Variants in ADAM29 observed in about 807,000 individuals in gnomAD.
ADAM29 encodes ADAM metallopeptidase domain 29.
For missense variants in ADAM29, 969 were observed against 1,001.8 expected, an observed-to-expected ratio of 0.97 and a Z score of 0.44; for synonymous variants, 367 against 342.3, an observed-to-expected ratio of 1.07 and a Z score of -0.80.
At chr4:174,943,285 G>A (rs919092810) in intron 4 of ADAM29, among the ~76,000 whole-genome samples, 2 of 152,162 alleles carry the variant, frequency 1.3e-5, no homozygotes, top group African/African-American at 2.4e-5. Flanking sequence ...CAGTTCCAAA[G>A]TCACTTTCAC....
chr4:174,957,980 T>A (rs1401768728), intron 4 of ADAM29, among the ~76,000 whole-genome samples: 2 of 151,820 alleles, frequency 1.3e-5, no homozygotes, highest in African/African-American at 2.4e-5. Flanking sequence ...ATTTGGAGAT[T>A]TTCTAGTCAT....
intron 4 of ADAM29, among the ~76,000 whole-genome samples, chr4:174,945,607 A>G (rs1048532764): frequency 2.0e-5 from 3 of 152,124 alleles, no homozygotes; most frequent in African/African-American, 7.2e-5. Flanking sequence ...GTTATCTTCC[A>G]GGGTTTTTAC....
At chr4:174,961,156 G>T (rs1297533615) in intron 4 of ADAM29, among the ~76,000 whole-genome samples, 1 of 151,772 alleles carries the variant, frequency 6.6e-6, no homozygotes, top group Non-Finnish European at 1.5e-5. Context: ...TGTTAAATTT[G>T]TTGTAATATT....
At chr4:174,929,485 AAC>A (rs1013292734) in intron 2 of ADAM29, among the ~76,000 whole-genome samples, 22 of 152,102 alleles carry the variant, frequency 1.4e-4, no homozygotes, top group Non-Finnish European at 4.4e-5. Context: ...AAAGGGGGGA[AAC>A]ACAGACTCTC....
At chr4:174,947,309 A>AG (rs1744912912) in intron 4 of ADAM29, among the ~76,000 whole-genome samples, 1 of 151,932 alleles carries the variant, frequency 6.6e-6, no homozygotes, top group Non-Finnish European at 1.5e-5. Context: ...TTGGTTTGCT[A>AG]TTATTTTCCT....
intron 3 of ADAM29, among the ~76,000 whole-genome samples, chr4:174,936,648 C>T (rs907983371): frequency 2.0e-5 from 3 of 151,920 alleles, no homozygotes; most frequent in African/African-American, 7.2e-5. Flanking sequence ...AAAATAAAGC[C>T]TCCTAAACGG....
At chr4:174,933,369 G>C (rs1744016216) in intron 3 of ADAM29, among the ~76,000 whole-genome samples, 1 of 152,086 alleles carries the variant, frequency 6.6e-6, no homozygotes, top group Non-Finnish European at 1.5e-5. Flanking sequence ...AAATAATTGA[G>C]TTTAACTTGA....
At chr4:174,974,948 T>C (rs1283416561) in intron 4 of ADAM29, among the ~76,000 whole-genome samples, 1 of 152,230 alleles carries the variant, frequency 6.6e-6, no homozygotes, top group Non-Finnish European at 1.5e-5. Context: ...AGAAAATCTA[T>C]TAATGCTTAT....
chr4:174,931,545 T>A (rs1259991078), intron 3 of ADAM29: 1 of 152,206 alleles, frequency 6.6e-6, no homozygotes, highest in Non-Finnish European at 1.5e-5. Flanking sequence ...AATCTATATA[T>A]TTTCCCGACC....
At chr4:174,968,097 G>A (rs889424829) in intron 4 of ADAM29, among the ~76,000 whole-genome samples, 2 of 152,070 alleles carry the variant, frequency 1.3e-5, no homozygotes, top group Non-Finnish European at 2.9e-5. Context: ...CATTGCAGGT[G>A]TCAGTACACT....
At chr4:174,943,935 A>G (rs1256530538) in intron 4 of ADAM29, among the ~76,000 whole-genome samples, 2 of 152,088 alleles carry the variant, frequency 1.3e-5, no homozygotes, top group African/African-American at 4.8e-5. Context: ...ATGTCAATTT[A>G]TTGTCCATAA....
intron 4 of ADAM29, among the ~76,000 whole-genome samples, chr4:174,940,020 C>A (rs7699698): frequency 4.6e-5 from 7 of 151,732 alleles, no homozygotes; most frequent in South Asian, 4.2e-4. Context: ...TTCCTTCCCC[C>A]CTTCTTTCCC....
chr4:174,952,559 G>A (rs571573808), intron 4 of ADAM29, among the ~76,000 whole-genome samples: 1 of 152,216 alleles, frequency 6.6e-6, no homozygotes, highest in East Asian at 1.9e-4. Flanking sequence ...ATTACAACCA[G>A]ATCTTCCACA....
chr4:174,957,497 A>G (rs1395154837), intron 4 of ADAM29, among the ~76,000 whole-genome samples: 2 of 151,812 alleles, frequency 1.3e-5, no homozygotes, highest in Non-Finnish European at 3.0e-5. Context: ...TTCAGGGACA[A>G]ACTGTTTATA....
chr4:174,966,852 G>A (rs924550983), intron 4 of ADAM29, among the ~76,000 whole-genome samples: 23 of 152,168 alleles, frequency 1.5e-4, no homozygotes, highest in Non-Finnish European at 2.9e-4. Flanking sequence ...TAGCAGAATG[G>A]CAAAATAATT....
In ADAM29 at chr4:174,938,769, T is replaced by C. The variant is rs1226506954; in HGVS notation, c.-181+1756T>C. Among the ~76,000 whole-genome samples the C allele has an allele frequency of 3.9e-5, 6 of 152,242 alleles. No individual in the cohort carries two copies. The East Asian group carries it at 9.7e-4, about 25-fold the overall frequency. ...TGCCATTACAATCTCCACAAATTGG[T>C]GGCTTAAAACAACAGAATTTCATTC... On this transcript the variant is annotated intron_variant, in intron 4 of 4. Transcript: ENST00000359240.
At position 174,975,668 on chromosome 4, in the gene ADAM29, C is replaced by T; in HGVS notation, c.143C>T (p.Pro48Leu). 1.2e-6 allele frequency: 2 copies of T among 1,613,132 alleles called. No individual in the cohort carries two copies. The highest frequency in any genetic ancestry group is 1.7e-6 in the Non-Finnish European group (2 of 1,179,578). Residue 48 changes from proline to leucine, a missense_variant, in exon 5 of 5, where the codon CCT becomes CTT. Transcript: ENST00000359240. The part of the protein sequence containing the change: ...RITGTTRGMT[P>L]PGWLSYILPF... ...ACTGGCACCACCAGAGGCATGACAC[C>T]TCCAGGCTGGCTCTCCTATATCCTG...
At chr4:174,929,233 A>T (rs1420045669) in intron 2 of ADAM29, among the ~76,000 whole-genome samples, 1 of 152,020 alleles carries the variant, frequency 6.6e-6, no homozygotes, top group African/African-American at 2.4e-5. Flanking sequence ...ACTCCTGGTT[A>T]CTCCATATCA....
At chr4:174,972,058 T>C (rs1746507607) in intron 4 of ADAM29, among the ~76,000 whole-genome samples, 3 of 152,200 alleles carry the variant, frequency 2.0e-5, no homozygotes, top group African/African-American at 7.2e-5. Flanking sequence ...TAAAAATATT[T>C]TCTATGGCTT....
Sources: allele counts gnomAD v4.1 joint callset (sites outside exome capture counted in the v4.1 genomes callset), GRCh38; gene constraint gnomAD v4.1.1; transcripts MANE v1.5; gene names NCBI Gene and HGNC (gene_info 2026-07-23, HGNC 2026-07-21).